The following CLSTN2 variants were observed in gnomAD, a reference collection of about 807,000 sequenced individuals.
The protein encoded by CLSTN2 is calsyntenin 2.
Under a neutral mutation model 101.2 loss-of-function variants are expected in CLSTN2, and 48 were observed. That is an observed-to-expected ratio of 0.47 (90% CI 0.38 to 0.60). The LOEUF (loss-of-function observed/expected upper bound fraction) is 0.60, where lower values mean the gene tolerates loss of function less well. Among genes scored for constraint, CLSTN2 ranks in the 20% least tolerant of loss-of-function variants. The pLI, the probability that CLSTN2 is intolerant of heterozygous loss-of-function variation, is 0.00. For missense variants in CLSTN2, 1,160 were observed against 1,238.2 expected, an observed-to-expected ratio of 0.94 and a Z score of 0.95; for synonymous variants, 481 against 463.6, an observed-to-expected ratio of 1.04 and a Z score of -0.48.
At chr3:140,277,888 G>T (rs1249944428) in intron 2 of CLSTN2, among the ~76,000 whole-genome samples, 5 of 152,204 alleles carry the variant, frequency 3.3e-5, no homozygotes, top group African/African-American at 1.2e-4. Context: ...AACAATACAT[G>T]TAGACAAGTA....
At chr3:140,042,798 T>A (rs1158890850) in intron 1 of CLSTN2, among the ~76,000 whole-genome samples, 10 of 152,328 alleles carry the variant, frequency 6.6e-5, no homozygotes, top group African/African-American at 2.4e-4. Context: ...CTTGTGATAG[T>A]TTGCTGAGAA....
chr3:140,184,464 A>G (rs1559800965), intron 2 of CLSTN2, among the ~76,000 whole-genome samples: 1 of 152,036 alleles, frequency 6.6e-6, no homozygotes, highest in Non-Finnish European at 1.5e-5. Flanking sequence ...TCTCATGAGA[A>G]CTCACTATCA....
intron 1 of CLSTN2, among the ~76,000 whole-genome samples, chr3:140,060,842 C>A (rs975843124): frequency 2.0e-5 from 3 of 152,154 alleles, no homozygotes; most frequent in Non-Finnish European, 4.4e-5. Flanking sequence ...TGTGCTATTT[C>A]TTTTATTCCT....
In CLSTN2 at chr3:140,406,475, CA is replaced by C. The variant is rs532355929; in HGVS notation, c.637+1711del. 2.6e-4 allele frequency among the ~76,000 whole-genome samples: 39 copies of C among 152,128 alleles called. 1 individual carries two copies. The highest frequency in any genetic ancestry group is 3.1e-4 in the Non-Finnish European group (21 of 68,032). On this transcript the variant is annotated intron_variant, in intron 4 of 16. Transcript: ENST00000458420. ...ACAGGCCACAGTGTCAATGCACAAG[CA>C]AGTAAAGGAGGAAATATAGGACTTT...
intron 2 of CLSTN2, among the ~76,000 whole-genome samples, chr3:140,311,883 G>T (rs1224495895): frequency 6.6e-6 from 1 of 152,138 alleles, no homozygotes; most frequent in African/African-American, 2.4e-5. Context: ...GAATCACCCA[G>T]GGAATGAGAA....
intron 1 of CLSTN2, among the ~76,000 whole-genome samples, chr3:139,947,269 C>G (rs1935229278): frequency 6.6e-6 from 1 of 152,222 alleles, no homozygotes; most frequent in African/African-American, 2.4e-5. Context: ...ATAACCTACT[C>G]TTGTCCTCCC....
chr3:140,159,284 A>C (rs1466122733), intron 1 of CLSTN2, among the ~76,000 whole-genome samples: 1 of 152,168 alleles, frequency 6.6e-6, no homozygotes. Context: ...CATCCAACAA[A>C]GGCCTAATAT....
chr3:140,407,143 C>T (rs1231594668), intron 4 of CLSTN2, among the ~76,000 whole-genome samples: 3 of 152,182 alleles, frequency 2.0e-5, no homozygotes, highest in African/African-American at 7.2e-5. Context: ...ACAGAGACGG[C>T]TCCCATTCTA....
chr3:140,087,864 G>A (rs1447950166), intron 1 of CLSTN2, among the ~76,000 whole-genome samples: 1 of 152,170 alleles, frequency 6.6e-6, no homozygotes, highest in Admixed American at 6.5e-5. Context: ...GGCAAAGAGA[G>A]ATAGTAGTGT....
chr3:140,170,302 T>G (rs529954260), intron 1 of CLSTN2, among the ~76,000 whole-genome samples: 1 of 152,196 alleles, frequency 6.6e-6, no homozygotes, highest in African/African-American at 2.4e-5. Flanking sequence ...AATTAAGTTA[T>G]TGGTTTGCAA....
chr3:140,051,290 T>G (rs571721366), intron 1 of CLSTN2, among the ~76,000 whole-genome samples: 294 of 152,342 alleles, frequency 1.9e-3, no homozygotes, highest in Non-Finnish European at 3.6e-3. Flanking sequence ...TTTGCACAAG[T>G]TTGCAGACCT....
intron 1 of CLSTN2, among the ~76,000 whole-genome samples, chr3:140,121,218 G>A (rs759092733): frequency 6.6e-6 from 1 of 152,154 alleles, no homozygotes; most frequent in Admixed American, 6.5e-5. Context: ...TTCTTGAGAG[G>A]ACTGTGGCCT....
At chr3:140,370,590 G>A (rs2087841695) in intron 2 of CLSTN2, among the ~76,000 whole-genome samples, 1 of 152,120 alleles carries the variant, frequency 6.6e-6, no homozygotes, top group Non-Finnish European at 1.5e-5. Context: ...CAAGAAGAAG[G>A]AGATGACCCC....
intron 2 of CLSTN2, among the ~76,000 whole-genome samples, chr3:140,274,545 G>T (rs2086776286): frequency 6.6e-6 from 1 of 152,214 alleles, no homozygotes; most frequent in Non-Finnish European, 1.5e-5. Context: ...GAAAATCCTG[G>T]ATGTCCGGGG....
intron 2 of CLSTN2, among the ~76,000 whole-genome samples, chr3:140,300,545 C>T (rs1256031968): frequency 1.3e-5 from 2 of 152,090 alleles, no homozygotes; most frequent in Non-Finnish European, 2.9e-5. Context: ...TATTACAGAG[C>T]CCAGCACAGG....
intron 8 of CLSTN2, among the ~76,000 whole-genome samples, chr3:140,522,539 C>T (rs892743965): frequency 1.3e-5 from 2 of 152,186 alleles, no homozygotes; most frequent in African/African-American, 4.8e-5. Flanking sequence ...AAACTGAACA[C>T]ACAATAAGGC....
chr3:140,394,799 C>G (rs1317779429), intron 2 of CLSTN2, among the ~76,000 whole-genome samples: 1 of 152,172 alleles, frequency 6.6e-6, no homozygotes, highest in African/African-American at 2.4e-5. Flanking sequence ...GTATGAACTA[C>G]AGTGATTTTT....
intron 8 of CLSTN2, among the ~76,000 whole-genome samples, chr3:140,489,667 T>C (rs1934305234): frequency 6.6e-6 from 1 of 151,982 alleles, no homozygotes; most frequent in Admixed American, 6.6e-5. Context: ...AAATCAACCC[T>C]GTGTTGGCTC....
chr3:140,334,409 C>T (rs2087420897), intron 2 of CLSTN2, among the ~76,000 whole-genome samples: 1 of 152,172 alleles, frequency 6.6e-6, no homozygotes, highest in Admixed American at 6.5e-5. Context: ...TGGATTCATT[C>T]GTCACTGCCC....
Sources: allele counts gnomAD v4.1 joint callset (sites outside exome capture counted in the v4.1 genomes callset), GRCh38; gene constraint gnomAD v4.1.1; transcripts MANE v1.5; gene names NCBI Gene and HGNC (gene_info 2026-07-23, HGNC 2026-07-21).